Variants in NOCT observed in about 807,000 individuals in gnomAD.
The protein encoded by NOCT is nocturnin.
In NOCT, 18 loss-of-function variants were observed where a neutral mutation model predicts 35.0. The observed-to-expected ratio is 0.51, with a 90% confidence interval of 0.36 to 0.76. The LOEUF is 0.76. Among genes scored for constraint, NOCT ranks in the 30% least tolerant of loss-of-function variants. The pLI, the probability that NOCT is intolerant of heterozygous loss-of-function variation, is 0.01. For synonymous variants in NOCT, 235 were observed against 226.3 expected, an observed-to-expected ratio of 1.04 and a Z score of -0.34; for missense variants, 479 against 541.0, an observed-to-expected ratio of 0.89 and a Z score of 1.14.
chr4:139,034,842 T>A (rs1359809860), intron 1 of NOCT, among the ~76,000 whole-genome samples: 1 of 152,218 alleles, frequency 6.6e-6, no homozygotes. Context: ...ATTACAGGCG[T>A]GAGCCACTGT....
intron 1 of NOCT, among the ~76,000 whole-genome samples, chr4:139,030,261 G>A (rs574552032): frequency 1.3e-5 from 2 of 152,128 alleles, no homozygotes; most frequent in African/African-American, 2.4e-5. Context: ...TGTAAATAAT[G>A]GCCAACAGGT....
chr4:139,041,121 T>C (rs1454046287), intron 1 of NOCT, among the ~76,000 whole-genome samples: 1 of 152,246 alleles, frequency 6.6e-6, no homozygotes, highest in Admixed American at 6.5e-5. Flanking sequence ...AAAATTAGTA[T>C]GTGTTCATTT....
At chr4:139,043,593 A>C in intron 2 of NOCT, 1 of 424,802 alleles carries the variant, frequency 2.4e-6, no homozygotes, top group Non-Finnish European at 4.2e-6. Flanking sequence ...GGAAGGTGTA[A>C]AGAATAAACC....
Position 139,016,066 on chromosome 4 carries a change from C to A in NOCT, c.85C>A (p.Arg29Ser). 7.2e-7 allele frequency: 1 copy of A among 1,389,894 alleles called. No individual in the cohort carries two copies. The allele number at this position is 1,389,894 out of a possible 1,614,324, so 86.1% of individuals were successfully genotyped here. The change falls in exon 1 of 3, where the codon CGC (arginine) becomes AGC (serine). Residue 29 changes from arginine to serine, a missense_variant. Physicochemically the swap from Arg to Ser is moderately radical, Grantham distance 110 (BLOSUM62 -1). This residue lies in a region of NOCT where 265 missense variants were observed against 257.0 expected (regional missense o/e 1.03). Coordinates refer to ENST00000280614, the MANE Select transcript of NOCT (RefSeq NM_012118.4). ...GLRRLPAPGL[R>S]RPLSPPAAVP... ...GCGCCGCCTGCCCGCCCCAGGGCTGCGCCGCCCGTTGTCCCCGCCGGCTGC... is the reference window on the plus strand; with the variant it reads ...GCGCCGCCTGCCCGCCCCAGGGCTGAGCCGCCCGTTGTCCCCGCCGGCTGC...
At chr4:139,042,071 C>CTTTTTTTTTTTT (rs368776726) in intron 1 of NOCT, among the ~76,000 whole-genome samples, 1 of 108,738 alleles carries the variant, frequency 9.2e-6, no homozygotes. Flanking sequence ...TCTTTAAGAT[C>CTTTTTTTTTTTT]TTTTTTTTTT....
chr4:139,021,151 C>T (rs1726404615), intron 1 of NOCT, among the ~76,000 whole-genome samples: 1 of 151,718 alleles, frequency 6.6e-6, no homozygotes, highest in Non-Finnish European at 1.5e-5. Flanking sequence ...CATTGACCCC[C>T]GAAAAAAGCA....
At position 139,026,417 on chromosome 4, in the gene NOCT, G is replaced by A. The variant is rs532887692; in HGVS notation, c.190+10246G>A. 1.6e-4 allele frequency among the ~76,000 whole-genome samples: 24 copies of A among 151,980 alleles called. No individual in the cohort carries two copies. The South Asian group carries it at 4.8e-3, about 30-fold the overall frequency. ...CCCCTGGCCAATTCTTTTAGGGATG[G>A]GGGTCTCTTTATATAGCCCAGGCTG... is the stretch of plus-strand genomic sequence containing the variant. On this transcript the variant is annotated intron_variant, in intron 1 of 2. Coordinates refer to ENST00000280614, the MANE Select transcript of NOCT (RefSeq NM_012118.4).
Position 139,015,812 on chromosome 4 carries a change from C to G in NOCT, c.-170C>G. The G allele has an allele frequency of 2.2e-6, 1 of 449,088 alleles. No individual in the cohort carries two copies. The highest frequency in any genetic ancestry group is 9.8e-5 in the South Asian group (1 of 10,232). The allele number at this position is 449,088 out of a possible 1,614,324, so 27.8% of individuals were successfully genotyped here. A position where few individuals can be genotyped will look rare whatever the true frequency, so the allele number is the denominator to read the frequency against. On this transcript the variant is annotated 5_prime_UTR_variant, in exon 1 of 3. Transcript: ENST00000280614. ...TGCCGACGCAGCGGTGTTGCACCTC[C>G]CTCTCCGGCTCTGCTGCCCGGGATT...
chr4:139,017,515 A>G (rs562883388), intron 1 of NOCT, among the ~76,000 whole-genome samples: 89 of 141,558 alleles, frequency 6.3e-4, no homozygotes, highest in African/African-American at 2.0e-3. Flanking sequence ...GGCGTGAGCC[A>G]CCGCCCCCCC....
At chr4:139,030,335 A>G (rs1726600757) in intron 1 of NOCT, among the ~76,000 whole-genome samples, 1 of 152,230 alleles carries the variant, frequency 6.6e-6, no homozygotes. Context: ...TGCTCCACCA[A>G]TAAAAGGTGG....
intron 1 of NOCT, among the ~76,000 whole-genome samples, chr4:139,032,112 A>G (rs557198138): frequency 1.3e-5 from 2 of 152,344 alleles, no homozygotes; most frequent in South Asian, 4.1e-4. Context: ...ATTCTCTGGC[A>G]GTTCTTCAAA....
chr4:139,043,534 T>A, intron 2 of NOCT, 191 bp downstream of exon 2: 1 of 562,108 alleles, frequency 1.8e-6, no homozygotes, highest in Non-Finnish European at 3.1e-6. Context: ...TTTTTTTTTT[T>A]TAGAAAGAAA....
chr4:139,021,691 T>G (rs1471761201), intron 1 of NOCT, among the ~76,000 whole-genome samples: 1 of 151,792 alleles, frequency 6.6e-6, no homozygotes, highest in Non-Finnish European at 1.5e-5. Context: ...TCTGGCTTCT[T>G]GGAGTTAGGA....
chr4:139,029,995 G>T (rs974931504), intron 1 of NOCT, among the ~76,000 whole-genome samples: 1 of 152,134 alleles, frequency 6.6e-6, no homozygotes, highest in Non-Finnish European at 1.5e-5. Context: ...AGGTTCAAGC[G>T]ATTCTCATGC....
At chr4:139,042,037 A>G (rs1418260122) in intron 1 of NOCT, among the ~76,000 whole-genome samples, 1 of 151,528 alleles carries the variant, frequency 6.6e-6, no homozygotes, top group Non-Finnish European at 1.5e-5. Flanking sequence ...TGGGCTTTCT[A>G]ACATTTCACT....
chr4:139,018,343 G>A (rs1401451353), intron 1 of NOCT, among the ~76,000 whole-genome samples: 1 of 152,134 alleles, frequency 6.6e-6, no homozygotes, highest in African/African-American at 2.4e-5. Context: ...AAACATAGAT[G>A]GCTGTGTTAT....
At chr4:139,044,546 C>T (rs1726898322) in intron 2 of NOCT, 93 bp from the exon 3 acceptor site, 1 of 721,976 alleles carries the variant, frequency 1.4e-6, no homozygotes, top group Admixed American at 2.6e-5. Context: ...GCAGAGGAAG[C>T]ATTCTGAGGG....
intron 1 of NOCT, among the ~76,000 whole-genome samples, chr4:139,039,431 A>G (rs970802207): frequency 6.6e-6 from 1 of 151,304 alleles, no homozygotes; most frequent in Non-Finnish European, 1.5e-5. Context: ...TCAAGTTTGC[A>G]ATGTCTTTTT....
In NOCT at chr4:139,015,904, C is replaced by T. The variant is rs1017341469; in HGVS notation, c.-78C>T. 2.2e-4 allele frequency: 254 copies of T among 1,164,290 alleles called. No individual in the cohort carries two copies. The highest frequency in any genetic ancestry group is 6.6e-4 in the Middle Eastern group (2 of 3,050). The allele number at this position is 1,164,290 out of a possible 1,614,324, so 72.1% of individuals were successfully genotyped here. A position where few individuals can be genotyped will look rare whatever the true frequency, so the allele number is the denominator to read the frequency against. On this transcript the variant is annotated 5_prime_UTR_variant, in exon 1 of 3. Transcript: ENST00000280614. ...CCGCCCACACTGCCCGGACAGTCGG[C>T]TCGACTCGGTGCCCTCGGCCCCAGC... is the stretch of plus-strand genomic sequence containing the variant.
Sources: allele counts gnomAD v4.1 joint callset (sites outside exome capture counted in the v4.1 genomes callset), GRCh38; gene constraint gnomAD v4.1.1; regional missense constraint gnomAD v4.1.1; transcripts MANE v1.5; gene names NCBI Gene and HGNC (gene_info 2026-07-23, HGNC 2026-07-21).